Variants in KIF6 observed in about 807,000 individuals in gnomAD.
KIF6 encodes kinesin-like protein KIF6.
In KIF6, 106 loss-of-function variants were observed where a neutral mutation model predicts 112.7. The ratio of observed to expected loss-of-function variants is 0.94; its 90% confidence interval spans 0.80 to 1.11. The LOEUF (loss-of-function observed/expected upper bound fraction) is 1.11, where lower values mean the gene tolerates loss of function less well. KIF6 is among the 50% of genes least tolerant of loss of function. KIF6 has a pLI of 0.00. For synonymous variants in KIF6, 339 were observed against 339.9 expected, an observed-to-expected ratio of 1.00 and a Z score of 0.03; for missense variants, 929 against 964.0, an observed-to-expected ratio of 0.96 and a Z score of 0.48.
intron 13 of KIF6, among the ~76,000 whole-genome samples, chr6:39,538,909 C>G (rs966336569): frequency 1.6e-4 from 24 of 151,038 alleles, no homozygotes; most frequent in Middle Eastern, 3.4e-3. Context: ...GAGTTCATGT[C>G]CTTTGTAGGG....
At chr6:39,361,155 G>T (rs1765104469) in intron 17 of KIF6, among the ~76,000 whole-genome samples, 1 of 152,140 alleles carries the variant, frequency 6.6e-6, no homozygotes, top group Non-Finnish European at 1.5e-5. Flanking sequence ...TTGTCCAATA[G>T]GAAACAGTCC....
rs530735194 is a variant in KIF6 at position 39,504,593 on chromosome 6, GA to G, written c.1645+35409del. ...TGCAGATGACATGATCCTATATCTG[GA>G]AAACCCTATCATCTTAGCCTAAAAG... On this transcript the variant is annotated intron_variant, in intron 13 of 22. Coordinates refer to ENST00000287152, the MANE Select transcript of KIF6 (RefSeq NM_145027.6). Among the ~76,000 whole-genome samples the G allele has an allele frequency of 2.0e-5, 3 of 152,272 alleles. No individual in the cohort carries two copies. The East Asian group carries it at 5.8e-4, about 29-fold the overall frequency.
In KIF6 at chr6:39,585,043, A is replaced by G. The variant is rs1781546272; in HGVS notation, c.991-59T>C. On this transcript the variant is annotated intron_variant, in intron 8 of 22. Transcript: ENST00000287152. ...GGCATAGAGAGATATTTCTTTCTAG[A>G]TAAAACTTATCTTTTATTCACAGAA... is the stretch of plus-strand genomic sequence containing the variant. 3.5e-5 allele frequency: 34 copies of G among 972,926 alleles called. No individual in the cohort carries two copies. In the South Asian group the frequency reaches 4.6e-4, roughly 13 times the overall value. 60.3% of individuals were successfully genotyped at this position (972,926 alleles called of 1,614,324 possible).
intron 3 of KIF6, among the ~76,000 whole-genome samples, chr6:39,689,143 G>T (rs753970021): frequency 9.2e-5 from 14 of 151,914 alleles, no homozygotes; most frequent in Non-Finnish European, 7.4e-5. Flanking sequence ...GACAAGGAAA[G>T]AAAAGAAAAG....
intron 2 of KIF6, among the ~76,000 whole-genome samples, chr6:39,719,720 A>G (rs145084948): frequency 3.0e-3 from 462 of 152,332 alleles, no homozygotes; most frequent in African/African-American, 0.011. Context: ...GTATTTTTCA[A>G]CTGAGCCATT....
At chr6:39,671,138 TA>T (rs1214710397) in intron 3 of KIF6, among the ~76,000 whole-genome samples, 2 of 152,158 alleles carry the variant, frequency 1.3e-5, no homozygotes, top group African/African-American at 4.8e-5. Flanking sequence ...GACAAACTAC[TA>T]AAGACACAGA....
chr6:39,396,482 A>G (rs1224532274), intron 15 of KIF6, among the ~76,000 whole-genome samples: 1 of 152,190 alleles, frequency 6.6e-6, no homozygotes. Flanking sequence ...TAGCCTTCAG[A>G]GACAACTGAA....
intron 10 of KIF6, among the ~76,000 whole-genome samples, chr6:39,574,890 C>A (rs950639425): frequency 1.3e-5 from 2 of 152,124 alleles, no homozygotes; most frequent in Admixed American, 1.3e-4. Context: ...CCTAGCTCAC[C>A]AATCTGCCCC....
At chr6:39,388,484 A>G (rs919536681) in intron 15 of KIF6, among the ~76,000 whole-genome samples, 1 of 152,196 alleles carries the variant, frequency 6.6e-6, no homozygotes, top group Non-Finnish European at 1.5e-5. Flanking sequence ...CAATGCCGCT[A>G]GTGATACTCA....
intron 10 of KIF6, among the ~76,000 whole-genome samples, chr6:39,577,550 C>G (rs1018486688): frequency 6.6e-5 from 10 of 152,290 alleles, no homozygotes; most frequent in African/African-American, 2.4e-4. Flanking sequence ...TGAAAGATGC[C>G]GCAGTTGTAT....
chr6:39,423,341 C>T (rs1159430115), intron 14 of KIF6, among the ~76,000 whole-genome samples: 1 of 152,102 alleles, frequency 6.6e-6, no homozygotes, highest in Non-Finnish European at 1.5e-5. Flanking sequence ...TTCCAAGGGC[C>T]CCGGCTCTTC....
At chr6:39,683,500 C>T (rs900850931) in intron 3 of KIF6, among the ~76,000 whole-genome samples, 2 of 152,064 alleles carry the variant, frequency 1.3e-5, no homozygotes, top group African/African-American at 2.4e-5. Context: ...TTCATAAATA[C>T]CCAAGTGGAG....
chr6:39,392,405 A>T (rs775326360), intron 15 of KIF6, among the ~76,000 whole-genome samples: 1 of 152,228 alleles, frequency 6.6e-6, no homozygotes, highest in Non-Finnish European at 1.5e-5. Flanking sequence ...GTCTCAGCAG[A>T]TTTGCATAAT....
At chr6:39,475,928 C>T (rs899867003) in intron 13 of KIF6, among the ~76,000 whole-genome samples, 7 of 151,992 alleles carry the variant, frequency 4.6e-5, no homozygotes, top group African/African-American at 1.7e-4. Flanking sequence ...AGCCATTATT[C>T]TTAGCAAACT....
intron 13 of KIF6, among the ~76,000 whole-genome samples, chr6:39,454,689 G>A (rs1309147911): frequency 4.2e-5 from 6 of 143,954 alleles, no homozygotes; most frequent in Non-Finnish European, 7.8e-5. Flanking sequence ...GAAGCAGGGC[G>A]AGGCATTGCC....
intron 7 of KIF6, among the ~76,000 whole-genome samples, chr6:39,589,631 G>A (rs1781821507): frequency 6.6e-6 from 1 of 152,184 alleles, no homozygotes; most frequent in South Asian, 2.1e-4. Context: ...GGGTTTGGAG[G>A]TGAGCAGTGA....
rs74659777 is a variant in KIF6, at chr6:39,336,236, A to T, written c.*296T>A. 2,043 of 403,372 alleles carry T rather than the reference A, an allele frequency of 5.1e-3. 37 individuals are homozygous for T. Among genetic ancestry groups the T allele is most frequent in the African/African-American group, 0.037 (1,793 of 49,112 alleles). 25.0% of individuals were successfully genotyped at this position (403,372 alleles called of 1,614,324 possible). On this transcript the variant is annotated 3_prime_UTR_variant, in exon 23 of 23. Coordinates refer to ENST00000287152, the MANE Select transcript of KIF6 (RefSeq NM_145027.6). The stretch of plus-strand genomic sequence containing the variant: ...CTTATAAAGATCTACACAAAACGTC[A>T]CTACAACAGTGAGCTGAAGCCTTCA...
At chr6:39,704,858 G>A (rs1015783084) in intron 3 of KIF6, among the ~76,000 whole-genome samples, 4 of 152,332 alleles carry the variant, frequency 2.6e-5, no homozygotes, top group African/African-American at 7.2e-5. Context: ...CTCTTAACTT[G>A]TAACGTTCCT....
rs1443641958 is a variant in KIF6 at position 39,332,994 on chromosome 6, ACTTG to A, written c.*3534_*3537del. Reference sequence around the variant, plus strand: ...TTGGAGCAATCATAGGGCTCCCCTCACTTGTTTCCCTTCTCTTGCGGATCAATCA... The same window carrying A: ...TTGGAGCAATCATAGGGCTCCCCTCATTTCCCTTCTCTTGCGGATCAATCA... On this transcript the variant is annotated 3_prime_UTR_variant, in exon 23 of 23. Coordinates refer to ENST00000287152, the MANE Select transcript of KIF6 (RefSeq NM_145027.6). 9.9e-5 allele frequency: 12 copies of A among 121,538 alleles called. No individual in the cohort carries two copies. In the South Asian group the frequency reaches 3.6e-3, roughly 37 times the overall value. 7.5% of individuals were successfully genotyped at this position (121,538 alleles called of 1,614,324 possible).
Sources: allele counts gnomAD v4.1 joint callset (sites outside exome capture counted in the v4.1 genomes callset), GRCh38; gene constraint gnomAD v4.1.1; transcripts MANE v1.5; gene names NCBI Gene and HGNC (gene_info 2026-07-23, HGNC 2026-07-21).